Variants in USP48 observed in about 807,000 individuals in gnomAD.
USP48 encodes ubiquitin carboxyl-terminal hydrolase 48.
In USP48, 43 loss-of-function variants were observed where a neutral mutation model predicts 150.7. The ratio of observed to expected loss-of-function variants is 0.29; its 90% CI spans 0.22 to 0.37. USP48 has a LOEUF of 0.37. Ranked by LOEUF, USP48 falls within the 10% of genes least tolerant of loss-of-function variation. The probability of loss-of-function intolerance (pLI) is 1.00; values close to 1 mark genes in which losing one functional copy is unlikely to be tolerated. For synonymous variants in USP48, 396 were observed against 425.9 expected, an observed-to-expected ratio of 0.93 and a Z score of 0.86; for missense variants, 813 against 1,249.6, an observed-to-expected ratio of 0.65 and a Z score of 5.27.
intron 1 of USP48, among the ~76,000 whole-genome samples, chr1:21,759,751 A>C (rs1194962884): frequency 6.6e-6 from 1 of 152,234 alleles, no homozygotes; most frequent in Non-Finnish European, 1.5e-5. Context: ...GATGGATGGA[A>C]GAAAAATCTC....
At chr1:21,724,161 A>AT (rs1217732943) in intron 11 of USP48, 66 bp from the exon 12 acceptor site, 3 of 1,465,906 alleles carry the variant, frequency 2.0e-6, no homozygotes, top group South Asian at 2.4e-5. Context: ...TGATACATTC[A>AT]TTTTTCTCAA....
At chr1:21,681,161 C>T in intron 25 of USP48, 1 of 198,356 alleles carries the variant, frequency 5.0e-6, no homozygotes, top group Non-Finnish European at 1.0e-5. Flanking sequence ...CTCTCCCCTT[C>T]CTCCTCCCAT....
At chr1:21,680,770 C>A in intron 26 of USP48, 38 bp downstream of exon 26, 2 of 1,558,778 alleles carry the variant, frequency 1.3e-6, no homozygotes, top group South Asian at 2.4e-5. Context: ...CAGGATGACT[C>A]TGACATTCAT....
chr1:21,756,778 T>A, intron 2 of USP48, 76 bp from the exon 3 acceptor site: 1 of 1,569,282 alleles, frequency 6.4e-7, no homozygotes, highest in Non-Finnish European at 8.6e-7. Context: ...TATTCTTAAA[T>A]TTTCAGATTA....
chr1:21,771,166 G>A (rs1198323454), intron 1 of USP48, among the ~76,000 whole-genome samples: 3 of 151,212 alleles, frequency 2.0e-5, no homozygotes, highest in African/African-American at 4.9e-5. Context: ...GTAAATTTTC[G>A]AAATCAAGAC....
chr1:21,695,169 T>C lies in USP48; in HGVS notation c.2780A>G (p.Tyr927Cys). 1 of 1,613,608 alleles carries C rather than the reference T, an allele frequency of 6.2e-7. No individual in the cohort carries two copies. The highest frequency in any genetic ancestry group is 1.7e-5 in the Admixed American group (1 of 59,884). The change falls in exon 23 of 27, where the codon TAT (tyrosine) becomes TGT (cysteine). Residue 927 changes from tyrosine (Y) to cysteine (C), a missense_variant. Physicochemically the swap from Tyr to Cys is radical, Grantham distance 194. Transcript: ENST00000308271. ...QKISHQNYIA[Y>C]QKQVIRRSMR... ...ACTTCGGCGAATAACTTGCTTTTGA[T>C]AGGCTATATAATTTTGATGGGATAT...
chr1:21,757,200 T>TATTAAAATATCTATATATAACAAA (rs2097838694), intron 2 of USP48, among the ~76,000 whole-genome samples: 1 of 152,134 alleles, frequency 6.6e-6, no homozygotes, highest in African/African-American at 2.4e-5. Flanking sequence ...ATTATTATTT[T>TATTAAAATATCTATATATAACAAA]ATTAAAATAT....
At position 21,753,410 on chromosome 1, in the gene USP48, C is replaced by G. The variant is rs141774922; in HGVS notation, c.413-291G>C. On this transcript the variant is annotated intron_variant, in intron 3 of 26. Transcript: ENST00000308271. ...CCACTAAAAAAAATACAAATATTAG[C>G]CGGGTGTGGTGGTGCACACATGTAA... Among the ~76,000 whole-genome samples, 889 of 151,774 alleles carry G rather than the reference C, an allele frequency of 5.9e-3. 10 individuals carry two copies. Among genetic ancestry groups the G allele is most frequent in the African/African-American group, 0.02 (829 of 41,352 alleles).
intron 1 of USP48, among the ~76,000 whole-genome samples, chr1:21,758,120 C>T (rs2097841399): frequency 6.7e-6 from 1 of 149,764 alleles, no homozygotes; most frequent in African/African-American, 2.5e-5. Flanking sequence ...ATATTGGAAG[C>T]CACCCAAATG....
chr1:21,742,422 T>C (rs1333088605), intron 8 of USP48, among the ~76,000 whole-genome samples: 1 of 151,894 alleles, frequency 6.6e-6, no homozygotes, highest in East Asian at 1.9e-4. Context: ...TGCACACTTG[T>C]AATCCCAGCT....
intron 12 of USP48, among the ~76,000 whole-genome samples, chr1:21,723,161 G>A (rs1336322134): frequency 6.6e-6 from 1 of 152,142 alleles, no homozygotes; most frequent in Non-Finnish European, 1.5e-5. Flanking sequence ...CTATATTTAA[G>A]GGAGAATCAA....
intron 15 of USP48, among the ~76,000 whole-genome samples, chr1:21,714,659 A>G (rs188742163): frequency 2.2e-4 from 34 of 152,342 alleles, no homozygotes; most frequent in African/African-American, 7.7e-4. Flanking sequence ...AGAATAGAAA[A>G]TTATGCCTAA....
chr1:21,709,763 A>C (rs482791), intron 15 of USP48, among the ~76,000 whole-genome samples: 149,267 of 152,208 alleles, frequency 0.98, 73,248 homozygotes, highest in Non-Finnish European at 1. Flanking sequence ...CTGGCTTTTA[A>C]GTGGGATGAG....
chr1:21,750,293 T>C (rs1428845926), intron 6 of USP48, among the ~76,000 whole-genome samples: 1 of 152,166 alleles, frequency 6.6e-6, no homozygotes, highest in Admixed American at 6.6e-5. Flanking sequence ...CTGCACTTGC[T>C]GTTTCATCTA....
rs568614653 is a variant in USP48 at position 21,778,556 on chromosome 1, C to G, written c.134+4268G>C. 2.2e-4 allele frequency among the ~76,000 whole-genome samples: 30 copies of G among 135,368 alleles called. No homozygotes were observed. In the South Asian group the frequency reaches 6.3e-3, roughly 28 times the overall value. 88.8% of individuals were successfully genotyped at this position (135,368 alleles called of 152,430 possible). On this transcript the variant is annotated intron_variant, in intron 1 of 26. Transcript: ENST00000308271. Reference sequence around the variant, plus strand: ...CTGGGGCAGGAGTATTGATTGAGCCCAGGAGTTCAAGGACAGCCTACACAA... The same window carrying G: ...CTGGGGCAGGAGTATTGATTGAGCCGAGGAGTTCAAGGACAGCCTACACAA...
chr1:21,736,088 T>C (rs1012310992), intron 9 of USP48, among the ~76,000 whole-genome samples: 4 of 151,822 alleles, frequency 2.6e-5, no homozygotes, highest in Non-Finnish European at 5.9e-5. Context: ...GAAAAAAATT[T>C]TGACAAAATT....
intron 12 of USP48, among the ~76,000 whole-genome samples, chr1:21,722,610 C>T (rs532019414): frequency 1.3e-3 from 192 of 151,610 alleles, no homozygotes; most frequent in Admixed American, 1.8e-3. Flanking sequence ...TTTGGGAGGC[C>T]GAGGCAGGTC....
At chr1:21,719,684 A>C (rs1196641344) in intron 14 of USP48, among the ~76,000 whole-genome samples, 1 of 152,138 alleles carries the variant, frequency 6.6e-6, no homozygotes, top group African/African-American at 2.4e-5. Flanking sequence ...CCTGGCCAAC[A>C]TGGTGAAACC....
intron 11 of USP48, among the ~76,000 whole-genome samples, chr1:21,726,724 G>T (rs1161926495): frequency 2.6e-5 from 4 of 152,138 alleles, no homozygotes; most frequent in Non-Finnish European, 4.4e-5. Context: ...TTCTGCACTA[G>T]AAAAAGACTC....
Sources: allele counts gnomAD v4.1 joint callset (sites outside exome capture counted in the v4.1 genomes callset), GRCh38; gene constraint gnomAD v4.1.1; transcripts MANE v1.5; gene names NCBI Gene and HGNC (gene_info 2026-07-23, HGNC 2026-07-21).